The following FAT4 variants were observed in gnomAD, a reference collection of about 807,000 sequenced individuals.
The protein encoded by FAT4 is protocadherin Fat 4.
In FAT4, 84 loss-of-function variants were observed where a neutral mutation model predicts 303.9. The ratio of observed to expected loss-of-function variants is 0.28; its 90% CI spans 0.23 to 0.33. The LOEUF is 0.33. Among genes scored for constraint, FAT4 ranks in the 10% least tolerant of loss-of-function variants. FAT4 has a pLI of 1.00. For synonymous variants in FAT4, 2,307 were observed against 2,298.8 expected (o/e 1.00, Z -0.10); for missense variants, 6,005 against 6,146.8 (o/e 0.98, Z 0.77).
chr4:125,486,651 G>A (rs1292285376), intron 16 of FAT4, among the ~76,000 whole-genome samples: 22 of 151,974 alleles, frequency 1.4e-4, no homozygotes. Flanking sequence ...AACTGGAGTG[G>A]GAGCACCCTG....
intron 2 of FAT4, among the ~76,000 whole-genome samples, chr4:125,328,494 A>C (rs1482715285): frequency 6.6e-6 from 1 of 152,206 alleles, no homozygotes; most frequent in Non-Finnish European, 1.5e-5. Context: ...CAGTGAGTAA[A>C]AACCAAAGAA....
At chr4:125,389,872 A>G (rs554727025) in intron 2 of FAT4, among the ~76,000 whole-genome samples, 4 of 152,334 alleles carry the variant, frequency 2.6e-5, no homozygotes, top group African/African-American at 7.2e-5. Context: ...CATTCCTGAC[A>G]TTTAGAACAT....
In FAT4 at chr4:125,449,920, A is replaced by G; in HGVS notation, c.8910A>G (p.Thr2970=). 2 of 1,613,964 alleles carry G rather than the reference A, an allele frequency of 1.2e-6. No individual in the cohort carries two copies. The highest frequency in any genetic ancestry group is 1.7e-6 in the Non-Finnish European group (2 of 1,179,938). Residue 2970 remains threonine (T), a synonymous_variant, in exon 10 of 18, where the codon ACA becomes ACG. Coordinates refer to ENST00000394329, the MANE Select transcript of FAT4 (RefSeq NM_001291303.3). ...AACCTTCCTTAATTAGTGAGACAAC[A>G]GTTACCATCAATATAGTGGACAGTA... The part of the protein sequence containing the change: ...RGKPSLISET[T]VTINIVDSND...
chr4:125,365,112 G>A (rs957416083), intron 2 of FAT4, among the ~76,000 whole-genome samples: 1 of 152,128 alleles, frequency 6.6e-6, no homozygotes, highest in Non-Finnish European at 1.5e-5. Flanking sequence ...CAAGGAAGAT[G>A]GCTTAGTTTC....
intron 2 of FAT4, among the ~76,000 whole-genome samples, chr4:125,385,778 C>A (rs1410325344): frequency 6.6e-6 from 1 of 151,970 alleles, no homozygotes; most frequent in Non-Finnish European, 1.5e-5. Flanking sequence ...ACATTATTTT[C>A]TTTCTACATT....
At chr4:125,440,935 C>G (rs1025880997) in intron 8 of FAT4, among the ~76,000 whole-genome samples, 2 of 152,118 alleles carry the variant, frequency 1.3e-5, no homozygotes, top group Non-Finnish European at 2.9e-5. Context: ...TGGACAAATT[C>G]TCATGTTTCT....
At chr4:125,439,884 A>G (rs897687114) in intron 8 of FAT4, among the ~76,000 whole-genome samples, 16 of 152,120 alleles carry the variant, frequency 1.1e-4, no homozygotes, top group Admixed American at 6.5e-4. Flanking sequence ...TAGTGCCTCA[A>G]AGGCTTAGTT....
At chr4:125,481,497 T>G in intron 15 of FAT4, 24 bp from the exon 16 acceptor site, 1 of 1,607,562 alleles carries the variant, frequency 6.2e-7, no homozygotes, top group Non-Finnish European at 8.5e-7. Context: ...GCATTCATTT[T>G]CCCTTTTTTC....
intron 15 of FAT4, among the ~76,000 whole-genome samples, chr4:125,480,435 A>ATCAT (rs1222510243): frequency 5.9e-5 from 9 of 152,122 alleles, no homozygotes; most frequent in African/African-American, 2.2e-4. Flanking sequence ...TGATGTTCAT[A>ATCAT]TCATCATTAG....
intron 2 of FAT4, among the ~76,000 whole-genome samples, chr4:125,360,643 A>G (rs2125984572): frequency 6.6e-6 from 1 of 152,278 alleles, no homozygotes; most frequent in Middle Eastern, 3.4e-3. Context: ...GCAAAGCCAT[A>G]ATTACAATAA....
intron 2 of FAT4, among the ~76,000 whole-genome samples, chr4:125,378,717 A>G (rs1035252522): frequency 1.2e-4 from 18 of 152,300 alleles, no homozygotes; most frequent in South Asian, 6.2e-4. Flanking sequence ...AAATTTAACA[A>G]TCAAAATATG....
chr4:125,415,869 C>T, intron 6 of FAT4, 63 bp downstream of exon 6: 3 of 1,264,004 alleles, frequency 2.4e-6, no homozygotes, highest in Non-Finnish European at 3.3e-6. Flanking sequence ...GAAAACCTCC[C>T]CTCTTCTACA....
intron 14 of FAT4, among the ~76,000 whole-genome samples, chr4:125,479,479 A>C (rs538016903): frequency 3.0e-4 from 46 of 152,286 alleles, no homozygotes; most frequent in Non-Finnish European, 5.6e-4. Context: ...TTCAAGTAAG[A>C]ATTAATTTAA....
In FAT4 at chr4:125,490,178, C is replaced by G; in HGVS notation, c.13362C>G (p.Ser4454Arg). Residue 4454 changes from serine (S) to arginine (R), a missense_variant, in exon 18 of 18, where the codon AGC (serine) becomes AGG (arginine). Transcript: ENST00000394329. The stretch of plus-strand genomic sequence containing the variant: ...GCCTGCACTCCGGCTTCACCTGTAG[C>G]TGCCCAGACTCGCACACGGGAAGGA... ...EPGLHSGFTC[S>R]CPDSHTGRTC... is the part of the protein sequence containing the mutation. The G allele has an allele frequency of 6.2e-7, 1 of 1,614,136 alleles. No homozygotes were observed. The highest frequency in any genetic ancestry group is 1.1e-5 in the South Asian group (1 of 91,088).
At chr4:125,418,007 TC>T (rs1735138982) in intron 7 of FAT4, among the ~76,000 whole-genome samples, 1 of 152,168 alleles carries the variant, frequency 6.6e-6, no homozygotes, top group African/African-American at 2.4e-5. Flanking sequence ...GTTTTAGACA[TC>T]CGGTTTTAGA....
In FAT4 at chr4:125,320,847, A is replaced by G; in HGVS notation, c.4436A>G (p.Tyr1479Cys). The G allele has an allele frequency of 1.2e-6, 2 of 1,614,190 alleles. No homozygotes were observed. The highest frequency in any genetic ancestry group is 1.7e-6 in the Non-Finnish European group (2 of 1,180,016). ...FTIDEVKGTI[Y>C]TNAEIDREFA... Reference sequence around the variant, plus strand: ...ATAGATGAAGTCAAAGGGACTATATATACTAATGCTGAAATAGATCGGGAA... The same window carrying G: ...ATAGATGAAGTCAAAGGGACTATATGTACTAATGCTGAAATAGATCGGGAA... The change falls in exon 2 of 18, where the codon TAT (tyrosine) becomes TGT (cysteine). Residue 1479 changes from tyrosine (Y) to cysteine (C), a missense_variant. Transcript: ENST00000394329.
chr4:125,451,560 G>A lies in FAT4; in HGVS notation c.10550G>A (p.Gly3517Glu), dbSNP rs1254654441. 1 of 1,614,010 alleles carries A rather than the reference G, an allele frequency of 6.2e-7. No individual in the cohort carries two copies. Among genetic ancestry groups the A allele is most frequent in the Non-Finnish European group, 8.5e-7 (1 of 1,180,036 alleles). Residue 3517 changes from glycine to glutamate, a missense_variant, in exon 10 of 18, where the codon GGA (glycine) becomes GAA (glutamate). Physicochemically the swap from Gly to Glu is moderately conservative, Grantham distance 98. Coordinates refer to ENST00000394329, the MANE Select transcript of FAT4 (RefSeq NM_001291303.3). ...DNGPMLTVSE[G>E]EVMENKRPGT... ...GGGCCCATGCTGACTGTCAGTGAAGGAGAAGTCATGGAAAACAAACGGCCA... is the reference window on the plus strand; with the variant it reads ...GGGCCCATGCTGACTGTCAGTGAAGAAGAAGTCATGGAAAACAAACGGCCA...
At position 125,321,344 on chromosome 4, in the gene FAT4, G is replaced by T; in HGVS notation, c.4933G>T (p.Gly1645Cys). The part of the protein sequence containing the change: ...ITILKEGEPI[G>C]TNVISIEAAS... ...TATTTTGAAGGAAGGAGAACCCATT[G>T]GCACAAACGTGATATCAATAGAAGC... Residue 1645 changes from glycine (G) to cysteine (C), a missense_variant, in exon 2 of 18, where the codon GGC becomes TGC. Coordinates refer to ENST00000394329, the MANE Select transcript of FAT4 (RefSeq NM_001291303.3). 1 of 1,614,124 alleles carries T rather than the reference G, an allele frequency of 6.2e-7. No homozygotes were observed. Among genetic ancestry groups the T allele is most frequent in the Non-Finnish European group, 8.5e-7 (1 of 1,179,998 alleles).
intron 10 of FAT4, among the ~76,000 whole-genome samples, chr4:125,463,150 A>G (rs1054552489): frequency 6.6e-6 from 1 of 151,908 alleles, no homozygotes; most frequent in African/African-American, 2.4e-5. Context: ...AAGATAAGTT[A>G]TTATCTTTGA....
Sources: gnomAD v4.1 joint callset for allele counts (sites outside exome capture counted in the v4.1 genomes callset) on GRCh38, gnomAD v4.1.1 for gene constraint, MANE v1.5 for transcripts, NCBI Gene and HGNC (gene_info 2026-07-23, HGNC 2026-07-21) for gene names.